BTBD9: variants seen among roughly 807,000 people sequenced by gnomAD.
BTBD9 encodes the protein BTB domain containing 9.
BTBD9 carries 49 observed loss-of-function variants against 64.3 expected under a neutral mutation model. The ratio of observed to expected loss-of-function variants is 0.76; its 90% confidence interval spans 0.61 to 0.97. The LOEUF is 0.97. Among genes scored for constraint, BTBD9 ranks in the 50% least tolerant of loss-of-function variants. The pLI, the probability that BTBD9 is intolerant of heterozygous loss-of-function variation, is 0.00. For missense variants in BTBD9, 598 were observed against 762.1 expected, an observed-to-expected ratio of 0.78 and a Z score of 2.53; for synonymous variants, 260 against 274.7, an observed-to-expected ratio of 0.95 and a Z score of 0.53.
Position 38,257,063 on chromosome 6 carries a change from C to CTTTTT in BTBD9, c.1455-552_1455-548dup, listed in dbSNP as rs745545678. Among the ~76,000 whole-genome samples, 4 of 111,380 alleles carry CTTTTT rather than the reference C, an allele frequency of 3.6e-5. 1 individual carries two copies. Among genetic ancestry groups the CTTTTT allele is most frequent in the African/African-American group, 1.3e-4 (4 of 29,882 alleles). 73.1% of individuals were successfully genotyped at this position (111,380 alleles called of 152,430 possible). A position where few individuals can be genotyped will look rare whatever the true frequency, so the allele number is the denominator to read the frequency against. On this transcript the variant is annotated intron_variant, in intron 8 of 10. Coordinates refer to ENST00000481247, the MANE Select transcript of BTBD9 (RefSeq NM_001099272.2). ...TAGCTGGGACTATAGTTGCACACTTCTTTTTTTTTTTTTTTTTTTTGGTAG... is the reference window on the plus strand; with the variant it reads ...TAGCTGGGACTATAGTTGCACACTTCTTTTTTTTTTTTTTTTTTTTTTTTTGGTAG...
chr6:38,515,683 T>G (rs900175210), intron 6 of BTBD9, among the ~76,000 whole-genome samples: 6 of 152,160 alleles, frequency 3.9e-5, no homozygotes, highest in Admixed American at 6.5e-5. Context: ...GCCTGCATAT[T>G]AAGAGAGACA....
intron 8 of BTBD9, among the ~76,000 whole-genome samples, chr6:38,257,102 C>A (rs974436031): frequency 9.1e-5 from 13 of 143,642 alleles, no homozygotes; most frequent in African/African-American, 3.4e-4. Flanking sequence ...CACAGTCTCA[C>A]TATGTTGCCC....
chr6:38,285,004 G>A (rs2127553450), intron 8 of BTBD9, among the ~76,000 whole-genome samples: 1 of 152,096 alleles, frequency 6.6e-6, no homozygotes, highest in East Asian at 1.9e-4. Context: ...GGGAGGGTGG[G>A]GAGGGGTGCA....
intron 6 of BTBD9, among the ~76,000 whole-genome samples, chr6:38,537,726 G>C (rs777577915): frequency 2.6e-5 from 4 of 152,180 alleles, no homozygotes; most frequent in East Asian, 3.8e-4. Context: ...TTCTTCTACA[G>C]CAAATTTTAG....
At chr6:38,598,609 A>G (rs908184220) in intron 1 of BTBD9, among the ~76,000 whole-genome samples, 8 of 152,094 alleles carry the variant, frequency 5.3e-5, no homozygotes, top group Non-Finnish European at 1.2e-4. Context: ...ACCATCTCAA[A>G]TATTTCATTT....
intron 6 of BTBD9, among the ~76,000 whole-genome samples, chr6:38,565,255 C>T (rs1193860128): frequency 1.3e-5 from 2 of 152,186 alleles, no homozygotes; most frequent in Non-Finnish European, 2.9e-5. Context: ...TCAACCTTGA[C>T]GCTATTGACA....
chr6:38,510,169 T>C (rs895244500), intron 6 of BTBD9, among the ~76,000 whole-genome samples: 1 of 152,216 alleles, frequency 6.6e-6, no homozygotes, highest in African/African-American at 2.4e-5. Context: ...AATTTCATCA[T>C]GGCGTGAACA....
intron 2 of BTBD9, among the ~76,000 whole-genome samples, chr6:38,596,289 A>G (rs1251389652): frequency 1.3e-5 from 2 of 152,218 alleles, no homozygotes; most frequent in African/African-American, 4.8e-5. Context: ...TTCAATATCT[A>G]CAAAGACATC....
At chr6:38,254,884 C>A (rs967435274) in intron 9 of BTBD9, among the ~76,000 whole-genome samples, 1 of 152,062 alleles carries the variant, frequency 6.6e-6, no homozygotes, top group Non-Finnish European at 1.5e-5. Context: ...CAGAGTTATC[C>A]GATGACCCAG....
At chr6:38,629,339 A>C (rs1454524805) in intron 1 of BTBD9, among the ~76,000 whole-genome samples, 2 of 152,248 alleles carry the variant, frequency 1.3e-5, no homozygotes, top group African/African-American at 4.8e-5. Flanking sequence ...GAAACTTTAC[A>C]GTGGAGAAAC....
intron 6 of BTBD9, among the ~76,000 whole-genome samples, chr6:38,377,817 C>T (rs373691905): frequency 2.0e-5 from 3 of 152,242 alleles, no homozygotes; most frequent in African/African-American, 7.2e-5. Context: ...AATAGAATTA[C>T]TACTTTTTCT....
intron 1 of BTBD9, among the ~76,000 whole-genome samples, chr6:38,629,668 A>T (rs975745411): frequency 2.0e-5 from 3 of 151,908 alleles, no homozygotes; most frequent in African/African-American, 7.3e-5. Flanking sequence ...CTAAAAATAC[A>T]AAAATTAGCT....
intron 1 of BTBD9, among the ~76,000 whole-genome samples, chr6:38,636,090 C>A (rs1206001226): frequency 1.3e-5 from 2 of 152,172 alleles, no homozygotes; most frequent in African/African-American, 4.8e-5. Flanking sequence ...AATCACTGTG[C>A]ACATAGTACC....
chr6:38,340,063 A>G (rs1764041070), intron 7 of BTBD9, among the ~76,000 whole-genome samples: 1 of 152,222 alleles, frequency 6.6e-6, no homozygotes, highest in African/African-American at 2.4e-5. Flanking sequence ...CCTATGAGGA[A>G]AAAGAGATGA....
chr6:38,442,584 C>A (rs1423204651), intron 6 of BTBD9, among the ~76,000 whole-genome samples: 1 of 151,776 alleles, frequency 6.6e-6, no homozygotes, highest in Non-Finnish European at 1.5e-5. Context: ...TTCACCCAGT[C>A]CACACTGTTT....
intron 10 of BTBD9, among the ~76,000 whole-genome samples, chr6:38,190,873 T>A (rs569626082): frequency 2.6e-5 from 4 of 152,380 alleles, no homozygotes; most frequent in Admixed American, 2.6e-4. Flanking sequence ...CAGACTTGCC[T>A]TGCTGCTTCT....
intron 9 of BTBD9, among the ~76,000 whole-genome samples, chr6:38,231,948 G>A (rs1763622496): frequency 6.6e-6 from 1 of 152,210 alleles, no homozygotes; most frequent in Non-Finnish European, 1.5e-5. Context: ...AGGAAGGGGT[G>A]GGCAGGGACA....
At chr6:38,421,072 T>C (rs934748050) in intron 6 of BTBD9, among the ~76,000 whole-genome samples, 13 of 151,988 alleles carry the variant, frequency 8.6e-5, no homozygotes, top group African/African-American at 3.1e-4. Context: ...TAAAAATGTA[T>C]AGGGCTGGAC....
rs540446796 is a variant in BTBD9 at position 38,430,034 on chromosome 6, G to A, written c.1155-84941C>T. On this transcript the variant is annotated intron_variant, in intron 6 of 10. Coordinates refer to ENST00000481247, the MANE Select transcript of BTBD9 (RefSeq NM_001099272.2). ...TGGGCTCCCATATCTTCTCAAACAT[G>A]TTTGTTTTTTCCTTTCCTGTTTGAA... 1.9e-3 allele frequency among the ~76,000 whole-genome samples: 294 copies of A among 151,936 alleles called. 1 individual carries two copies. Among genetic ancestry groups the A allele is most frequent in the Non-Finnish European group, 2.5e-3 (169 of 67,992 alleles).
Sources: allele counts gnomAD v4.1 joint callset (sites outside exome capture counted in the v4.1 genomes callset), GRCh38; gene constraint gnomAD v4.1.1; transcripts MANE v1.5; gene names NCBI Gene and HGNC (gene_info 2026-07-23, HGNC 2026-07-21).